The following ESRRB variants were observed in gnomAD, a reference collection of about 807,000 sequenced individuals.
The protein encoded by ESRRB is estrogen related receptor beta.
ESRRB carries 16 observed loss-of-function variants against 46.0 expected under a neutral mutation model. The ratio of observed to expected loss-of-function variants is 0.35; its 90% CI spans 0.24 to 0.53. The LOEUF (loss-of-function observed/expected upper bound fraction) is 0.53. ESRRB is among the 20% of genes least tolerant of loss of function. The pLI is 0.93. For missense variants in ESRRB, 488 were observed against 607.4 expected (o/e 0.80, Z 2.07); for synonymous variants, 246 against 259.6 (o/e 0.95, Z 0.50).
At chr14:76,432,302 G>A (rs1027612204) in intron 1 of ESRRB, among the ~76,000 whole-genome samples, 3 of 152,258 alleles carry the variant, frequency 2.0e-5, no homozygotes, top group Admixed American at 6.5e-5. Flanking sequence ...AGCCCCAGAT[G>A]TTAGTAGTGC....
rs570254943 is a variant in ESRRB, at chr14:76,364,766, G to T, written c.2+53850G>T. 4.9e-4 allele frequency among the ~76,000 whole-genome samples: 75 copies of T among 152,068 alleles called. 1 individual carries two copies. The highest frequency in any genetic ancestry group is 9.9e-4 in the Non-Finnish European group (67 of 68,016). On this transcript the variant is annotated intron_variant, in intron 1 of 6. Coordinates refer to the ESRRB transcript ENST00000512784. ...TTCTCAGAATCACCAACCCAACTTGGGGGCAGGAAGAGACAAAGAATAACT... is the reference window on the plus strand; with the variant it reads ...TTCTCAGAATCACCAACCCAACTTGTGGGCAGGAAGAGACAAAGAATAACT...
At chr14:76,439,286 G>A (rs1240405438) in intron 1 of ESRRB, 55 bp from the exon 2 acceptor site, 12 of 1,209,472 alleles carry the variant, frequency 9.9e-6, no homozygotes, top group African/African-American at 4.5e-5. Flanking sequence ...GGCTGGACCC[G>A]CCCACCACAC....
chr14:76,365,324 A>T (rs139448107), intron 1 of ESRRB, among the ~76,000 whole-genome samples: 1,598 of 152,288 alleles, frequency 0.01, 23 homozygotes, highest in African/African-American at 0.035. Flanking sequence ...AAAAAATTTT[A>T]AAAAAGTAGT....
chr14:76,458,497 C>A (rs1659929940), intron 2 of ESRRB, among the ~76,000 whole-genome samples: 1 of 151,088 alleles, frequency 6.6e-6, no homozygotes, highest in South Asian at 2.1e-4. Flanking sequence ...TGCAGGCCAA[C>A]CCCTAAAGGG....
chr14:76,489,062 C>T (rs1787902738), intron 5 of ESRRB, among the ~76,000 whole-genome samples: 1 of 152,122 alleles, frequency 6.6e-6, no homozygotes, highest in African/African-American at 2.4e-5. Context: ...TAGTAACATC[C>T]TAATGATTGT....
intron 1 of ESRRB, among the ~76,000 whole-genome samples, chr14:76,358,397 A>AAGAAAGAG (rs1566859713): frequency 6.3e-5 from 8 of 127,046 alleles, no homozygotes; most frequent in African/African-American, 2.2e-4. Flanking sequence ...GAAAGAAAGA[A>AAGAAAGAG]AGAAAGAAAG....
At chr14:76,397,619 G>A (rs1885747734) in intron 1 of ESRRB, among the ~76,000 whole-genome samples, 1 of 152,126 alleles carries the variant, frequency 6.6e-6, no homozygotes, top group Non-Finnish European at 1.5e-5. Flanking sequence ...AATAATTTGG[G>A]GCAGGCCAGG....
chr14:76,443,576 A>C (rs1390641339), intron 2 of ESRRB, among the ~76,000 whole-genome samples: 1 of 152,196 alleles, frequency 6.6e-6, no homozygotes, highest in Non-Finnish European at 1.5e-5. Flanking sequence ...GTTGTCTTGG[A>C]GAGGTTGCCA....
At chr14:76,377,574 C>T (rs1002505670) in intron 1 of ESRRB, among the ~76,000 whole-genome samples, 3 of 152,156 alleles carry the variant, frequency 2.0e-5, no homozygotes, top group Admixed American at 6.5e-5. Flanking sequence ...ACTTTGTGCT[C>T]GTCTTCCTCT....
chr14:76,456,147 G>C (rs1477814645), intron 2 of ESRRB, among the ~76,000 whole-genome samples: 1 of 151,912 alleles, frequency 6.6e-6, no homozygotes, highest in Non-Finnish European at 1.5e-5. Flanking sequence ...TGTAGCTCCT[G>C]CTGCTGCTAT....
chr14:76,425,989 A>G (rs1420009504), intron 1 of ESRRB, among the ~76,000 whole-genome samples: 2 of 152,238 alleles, frequency 1.3e-5, no homozygotes, highest in Non-Finnish European at 2.9e-5. Context: ...CACTAACTGC[A>G]TTGATACTAT....
chr14:76,455,236 G>A (rs1888558058), intron 2 of ESRRB, among the ~76,000 whole-genome samples: 1 of 151,950 alleles, frequency 6.6e-6, no homozygotes, highest in South Asian at 2.1e-4. Flanking sequence ...ATATATATAT[G>A]TTTTATAATG....
Position 76,397,245 on chromosome 14 carries a change from G to C in ESRRB, c.50+20794G>C, listed in dbSNP as rs186657690. On this transcript the variant is annotated intron_variant, in intron 1 of 6. Transcript: ENST00000644823. ...CCTCCAGAGGCTGCCTGTGGGGCCTGAGCCCCCCATCTTACAGATGCCTCA... is the reference window on the plus strand; with the variant it reads ...CCTCCAGAGGCTGCCTGTGGGGCCTCAGCCCCCCATCTTACAGATGCCTCA... Among the ~76,000 whole-genome samples the C allele has an allele frequency of 2.6e-3, 398 of 152,316 alleles. 2 individuals are homozygous for C. The highest frequency in any genetic ancestry group is 4.6e-3 in the Non-Finnish European group (314 of 68,022).
intron 3 of ESRRB, among the ~76,000 whole-genome samples, chr14:76,465,108 CTCAT>C (rs1889050888): frequency 6.6e-6 from 1 of 151,942 alleles, no homozygotes; most frequent in African/African-American, 2.4e-5. Flanking sequence ...AGCCAGAAGC[CTCAT>C]TGTTTTCAAT....
intron 2 of ESRRB, among the ~76,000 whole-genome samples, chr14:76,460,709 A>ATTTTTTTTTTTTTTTTTTTTT: frequency 7.1e-6 from 1 of 141,648 alleles, no homozygotes; most frequent in Non-Finnish European, 1.5e-5. Flanking sequence ...TTCCAGTTAC[A>ATTTTTTTTTTTTTTTTTTTTT]TTTTTTTTTG....
At chr14:76,379,860 CAAA>C (rs34925535) in intron 1 of ESRRB, among the ~76,000 whole-genome samples, 1 of 127,040 alleles carries the variant, frequency 7.9e-6, no homozygotes, top group Non-Finnish European at 1.6e-5. Context: ...AGATCTGTTC[CAAA>C]AAAAAAAAAA....
intron 3 of ESRRB, among the ~76,000 whole-genome samples, chr14:76,469,666 C>T (rs968943661): frequency 2.6e-5 from 4 of 152,146 alleles, no homozygotes; most frequent in Non-Finnish European, 4.4e-5. Flanking sequence ...TGGGTCACCA[C>T]GCCCAGCCAA....
intron 2 of ESRRB, among the ~76,000 whole-genome samples, chr14:76,448,493 T>C (rs369910041): frequency 2.8e-4 from 19 of 67,188 alleles, no homozygotes; most frequent in African/African-American, 9.8e-4. Context: ...CATGCCTGGC[T>C]AATTTTGTAT....
chr14:76,458,848 T>TC (rs1010794833), intron 2 of ESRRB, among the ~76,000 whole-genome samples: 7 of 146,894 alleles, frequency 4.8e-5, no homozygotes, highest in African/African-American at 1.8e-4. Flanking sequence ...TCCTTTTTTT[T>TC]TTTTTTTTTT....
Sources: allele counts gnomAD v4.1 joint callset (sites outside exome capture counted in the v4.1 genomes callset), GRCh38; gene constraint gnomAD v4.1.1; transcripts MANE v1.5; gene names NCBI Gene and HGNC (gene_info 2026-07-23, HGNC 2026-07-21).